Variants in KLHL6 observed in about 807,000 individuals in gnomAD.
The protein encoded by KLHL6 is kelch like family member 6.
Under a neutral mutation model 58.6 loss-of-function variants are expected in KLHL6, and 41 were observed. The ratio of observed to expected loss-of-function variants is 0.70; its 90% CI spans 0.55 to 0.91. The LOEUF (loss-of-function observed/expected upper bound fraction) is 0.91, where lower values mean the gene tolerates loss of function less well. Among genes scored for constraint, KLHL6 ranks in the 40% least tolerant of loss-of-function variants. The pLI is 0.00. For synonymous variants in KLHL6, 338 were observed against 322.7 expected (o/e 1.05, Z -0.51); for missense variants, 714 against 805.6 (o/e 0.89, Z 1.38).
intron 3 of KLHL6, among the ~76,000 whole-genome samples, chr3:183,503,015 C>A (rs578073535): frequency 6.6e-6 from 1 of 152,338 alleles, no homozygotes; most frequent in East Asian, 1.9e-4. Context: ...AAAATACTAA[C>A]CCCAAAGCCA....
At chr3:183,506,380 G>C (rs927073838) in intron 3 of KLHL6, among the ~76,000 whole-genome samples, 3 of 152,166 alleles carry the variant, frequency 2.0e-5, no homozygotes, top group Admixed American at 2.0e-4. Flanking sequence ...GCAGTCTCAG[G>C]ACTCTCTTCT....
intron 1 of KLHL6, among the ~76,000 whole-genome samples, chr3:183,537,699 C>T (rs934712753): frequency 1.3e-5 from 2 of 152,164 alleles, no homozygotes; most frequent in African/African-American, 4.8e-5. Context: ...TGGCCACACG[C>T]CTCTCCATTC....
At chr3:183,507,335 C>T (rs1718036011) in intron 3 of KLHL6, among the ~76,000 whole-genome samples, 1 of 152,124 alleles carries the variant, frequency 6.6e-6, no homozygotes, top group South Asian at 2.1e-4. Context: ...ATACAAGAGA[C>T]ACAAGATTTC....
chr3:183,535,134 G>C (rs184815920), intron 1 of KLHL6, among the ~76,000 whole-genome samples: 5 of 151,994 alleles, frequency 3.3e-5, no homozygotes, highest in Non-Finnish European at 5.9e-5. Context: ...TAGTAGAGAC[G>C]GGGTTTTACT....
intron 2 of KLHL6, among the ~76,000 whole-genome samples, chr3:183,526,311 C>CAAATAAAT (rs898413872): frequency 6.6e-6 from 1 of 152,050 alleles, no homozygotes; most frequent in Non-Finnish European, 1.5e-5. Flanking sequence ...AACTCCATCT[C>CAAATAAAT]AAATAAATAA....
intron 2 of KLHL6, among the ~76,000 whole-genome samples, chr3:183,518,308 C>T (rs1158998814): frequency 3.9e-5 from 6 of 152,198 alleles, no homozygotes; most frequent in Admixed American, 2.0e-4. Context: ...ACCTCGCAGG[C>T]TCACACTGAT....
chr3:183,516,966 T>C (rs950793656), intron 2 of KLHL6, among the ~76,000 whole-genome samples: 1 of 152,238 alleles, frequency 6.6e-6, no homozygotes, highest in Non-Finnish European at 1.5e-5. Flanking sequence ...CTGGAGTGCA[T>C]GGTGTGATCT....
intron 2 of KLHL6, among the ~76,000 whole-genome samples, chr3:183,522,078 C>A (rs1354509582): frequency 6.6e-6 from 1 of 151,140 alleles, no homozygotes; most frequent in Non-Finnish European, 1.5e-5. Flanking sequence ...GTAATCCCAG[C>A]ACTTTGGGAG....
intron 1 of KLHL6, among the ~76,000 whole-genome samples, chr3:183,538,666 T>C (rs1215100939): frequency 6.6e-6 from 1 of 152,192 alleles, no homozygotes; most frequent in Non-Finnish European, 1.5e-5. Flanking sequence ...GGGGGTTCCA[T>C]TGCAAAGAAA....
At chr3:183,519,889 C>A in intron 2 of KLHL6, among the ~76,000 whole-genome samples, 2 of 118,350 alleles carry the variant, frequency 1.7e-5, no homozygotes, top group Non-Finnish European at 3.6e-5. Flanking sequence ...CACCAAAACC[C>A]TGTCTCAAAA....
chr3:183,490,667 C>A lies in KLHL6; in HGVS notation c.*1260G>T, dbSNP rs561532767. 5.3e-5 allele frequency: 8 copies of A among 152,030 alleles called. No individual in the cohort carries two copies. Among genetic ancestry groups the A allele is most frequent in the African/African-American group, 1.7e-4 (7 of 41,444 alleles). The allele number at this position is 152,030 out of a possible 1,614,324, so 9.4% of individuals were successfully genotyped here. ...TAAAACTACAAAAATTAGCCAGGCG[C>A]GGTGGCAGGTGCCTGTAATCCCAGC... is the stretch of plus-strand genomic sequence containing the variant. On this transcript the variant is annotated 3_prime_UTR_variant, in exon 7 of 7. Transcript: ENST00000341319.
chr3:183,535,559 A>G (rs1436335181), intron 1 of KLHL6, among the ~76,000 whole-genome samples: 2 of 152,214 alleles, frequency 1.3e-5, no homozygotes, highest in Non-Finnish European at 2.9e-5. Context: ...TGACATTTAG[A>G]AATGTTATTT....
intron 3 of KLHL6, among the ~76,000 whole-genome samples, chr3:183,504,916 A>G (rs1717962553): frequency 6.6e-6 from 1 of 151,966 alleles, no homozygotes; most frequent in Non-Finnish European, 1.5e-5. Context: ...GTTCATGTGT[A>G]CTCAATGTTT....
chr3:183,536,458 G>A (rs1408021332), intron 1 of KLHL6, among the ~76,000 whole-genome samples: 1 of 152,204 alleles, frequency 6.6e-6, no homozygotes, highest in African/African-American at 2.4e-5. Flanking sequence ...CCTGGGGAGG[G>A]CAGGGGAAAA....
intron 1 of KLHL6, among the ~76,000 whole-genome samples, chr3:183,543,592 A>G (rs566919292): frequency 2.0e-5 from 3 of 152,252 alleles, no homozygotes; most frequent in East Asian, 1.9e-4. Flanking sequence ...ACACAATAAT[A>G]CAATAAAATT....
intron 2 of KLHL6, among the ~76,000 whole-genome samples, chr3:183,509,951 G>A (rs942261298): frequency 4.0e-5 from 6 of 151,882 alleles, no homozygotes; most frequent in African/African-American, 1.2e-4. Flanking sequence ...AATACGTACC[G>A]CTTTTGTCAT....
chr3:183,554,623 A>G (rs1373567696), intron 1 of KLHL6, among the ~76,000 whole-genome samples: 3 of 152,152 alleles, frequency 2.0e-5, no homozygotes, highest in Non-Finnish European at 4.4e-5. Context: ...GAAGCCCCTA[A>G]TTTGTAACAA....
At chr3:183,540,880 G>T (rs1334286211) in intron 1 of KLHL6, among the ~76,000 whole-genome samples, 1 of 152,198 alleles carries the variant, frequency 6.6e-6, no homozygotes, top group Non-Finnish European at 1.5e-5. Flanking sequence ...GGTCGGCTCA[G>T]ATTCTCACTT....
chr3:183,487,569 T>C lies in KLHL6; in HGVS notation c.*4358A>G, dbSNP rs894369650. On this transcript the variant is annotated 3_prime_UTR_variant, in exon 7 of 7. Coordinates refer to ENST00000341319, the MANE Select transcript of KLHL6 (RefSeq NM_130446.4). ...ATTTGCATCTGTTCTGTGCATATTT[T>C]ATTGAATAAATAAAAATTTTATTGG... 6.6e-6 allele frequency: 1 copy of C among 152,160 alleles called. No individual in the cohort carries two copies. The highest frequency in any genetic ancestry group is 1.5e-5 in the Non-Finnish European group (1 of 68,030). 9.4% of individuals were successfully genotyped at this position (152,160 alleles called of 1,614,324 possible).
Sources: allele counts gnomAD v4.1 joint callset (sites outside exome capture counted in the v4.1 genomes callset), GRCh38; gene constraint gnomAD v4.1.1; transcripts MANE v1.5; gene names NCBI Gene and HGNC (gene_info 2026-07-23, HGNC 2026-07-21).